GAB2: variants seen among roughly 807,000 people sequenced by gnomAD.
The protein encoded by GAB2 is GRB2 associated binding protein 2.
GAB2 carries 26 observed loss-of-function variants against 65.5 expected under a neutral mutation model. That is an observed-to-expected ratio of 0.40 (90% CI 0.29 to 0.55). GAB2 has a LOEUF of 0.55. Ranked by LOEUF, GAB2 falls within the 20% of genes least tolerant of loss-of-function variation. The pLI, the probability that GAB2 is intolerant of heterozygous loss-of-function variation, is 0.53. For synonymous variants in GAB2, 321 were observed against 329.6 expected (o/e 0.97, Z 0.28); for missense variants, 884 against 875.8 (o/e 1.01, Z -0.12).
intron 3 of GAB2, among the ~76,000 whole-genome samples, chr11:78,238,101 G>C (rs1865029768): frequency 1.3e-5 from 2 of 151,296 alleles, no homozygotes; most frequent in South Asian, 4.2e-4. Context: ...TAGGTGATGG[G>C]TTGATCTGTG....
At chr11:78,312,266 TC>T (rs1168763733) in intron 1 of GAB2, among the ~76,000 whole-genome samples, 2 of 151,674 alleles carry the variant, frequency 1.3e-5, no homozygotes, top group African/African-American at 4.8e-5. Context: ...TTCTGGGGTT[TC>T]TCCAAGCTGT....
intron 1 of GAB2, among the ~76,000 whole-genome samples, chr11:78,403,400 T>C (rs140414080): frequency 2.7e-4 from 41 of 152,316 alleles, no homozygotes; most frequent in African/African-American, 9.9e-4. Flanking sequence ...TTTTTGCAAA[T>C]GGACTATAGT....
At chr11:78,292,763 A>G (rs1245252306) in intron 1 of GAB2, among the ~76,000 whole-genome samples, 1 of 152,214 alleles carries the variant, frequency 6.6e-6, no homozygotes, top group Non-Finnish European at 1.5e-5. Flanking sequence ...ACTCTGGACC[A>G]TAGAGACTTT....
intron 1 of GAB2, among the ~76,000 whole-genome samples, chr11:78,350,476 T>G (rs1057491285): frequency 2.2e-4 from 34 of 152,236 alleles, no homozygotes; most frequent in African/African-American, 4.8e-5. Flanking sequence ...CACTTCCTCT[T>G]TGAGGATTGC....
chr11:78,342,626 T>G (rs1856117768), intron 1 of GAB2, among the ~76,000 whole-genome samples: 1 of 152,138 alleles, frequency 6.6e-6, no homozygotes. Flanking sequence ...GCCAGGATGG[T>G]CTCCATCTCC....
chr11:78,223,743 CT>C, intron 5 of GAB2, 67 bp from the exon 6 acceptor site: 1 of 1,350,096 alleles, frequency 7.4e-7, no homozygotes, highest in Non-Finnish European at 1.0e-6. Context: ...GGGGGTAAGA[CT>C]TTGTAAATGA....
chr11:78,310,988 C>T (rs1019870284), intron 1 of GAB2, among the ~76,000 whole-genome samples: 1 of 152,134 alleles, frequency 6.6e-6, no homozygotes, highest in African/African-American at 2.4e-5. Context: ...GAAATTCTGC[C>T]ACTGAAGAAC....
chr11:78,270,955 G>A (rs555108600), intron 2 of GAB2, among the ~76,000 whole-genome samples: 1 of 152,246 alleles, frequency 6.6e-6, no homozygotes, highest in African/African-American at 2.4e-5. Context: ...TGAGACTCAA[G>A]TGCAGCTAGC....
At chr11:78,358,508 C>A (rs1281128371) in intron 1 of GAB2, among the ~76,000 whole-genome samples, 15 of 145,600 alleles carry the variant, frequency 1.0e-4, no homozygotes, top group Admixed American at 1.4e-4. Context: ...GAAGTAATGT[C>A]TTTCCTAAAA....
chr11:78,261,733 C>A (rs1046977246), intron 2 of GAB2, among the ~76,000 whole-genome samples: 2 of 152,162 alleles, frequency 1.3e-5, no homozygotes, highest in African/African-American at 4.8e-5. Context: ...TGCAGGCCAG[C>A]CCCAAAGGGT....
intron 1 of GAB2, among the ~76,000 whole-genome samples, chr11:78,290,848 A>G (rs1866645910): frequency 6.6e-6 from 1 of 152,198 alleles, no homozygotes; most frequent in African/African-American, 2.4e-5. Flanking sequence ...GAGTGGTCCA[A>G]AGCAGGTCTC....
At chr11:78,336,350 A>AAAC (rs1856001072) in intron 1 of GAB2, among the ~76,000 whole-genome samples, 1 of 147,732 alleles carries the variant, frequency 6.8e-6, no homozygotes, top group African/African-American at 2.5e-5. Flanking sequence ...AAAAAAAAAA[A>AAAC]AAAAAAAAAA....
chr11:78,361,658 C>T (rs1055852452), intron 1 of GAB2, among the ~76,000 whole-genome samples: 2 of 152,142 alleles, frequency 1.3e-5, no homozygotes, highest in South Asian at 4.1e-4. Flanking sequence ...AAAAGGAATA[C>T]AAATTAAAAA....
intron 1 of GAB2, among the ~76,000 whole-genome samples, chr11:78,405,320 G>A (rs1857029543): frequency 1.3e-5 from 2 of 152,044 alleles, no homozygotes; most frequent in South Asian, 4.1e-4. Context: ...GGATGGTCTC[G>A]ATCTCCTGAC....
chr11:78,414,252 AT>A (rs569101406), intron 1 of GAB2, among the ~76,000 whole-genome samples: 8 of 151,590 alleles, frequency 5.3e-5, no homozygotes, highest in South Asian at 2.1e-4. Context: ...GACTGGATTA[AT>A]TTTTTTTTCT....
intron 3 of GAB2, among the ~76,000 whole-genome samples, chr11:78,232,355 T>C (rs1864870967): frequency 6.6e-6 from 1 of 152,200 alleles, no homozygotes; most frequent in South Asian, 2.1e-4. Context: ...CAATGTATCA[T>C]CTGTTACAGG....
intron 1 of GAB2, among the ~76,000 whole-genome samples, chr11:78,384,676 C>A (rs1461867246): frequency 6.6e-6 from 1 of 152,094 alleles, no homozygotes; most frequent in Non-Finnish European, 1.5e-5. Flanking sequence ...AACAGTGGCC[C>A]CAGGCTTCAA....
At chr11:78,387,358 C>T (rs73502934) in intron 1 of GAB2, among the ~76,000 whole-genome samples, 4,745 of 152,200 alleles carry the variant, frequency 0.031, 218 homozygotes, top group African/African-American at 0.1. Flanking sequence ...TTCTGAAATA[C>T]GCATTTCTAA....
In GAB2 at chr11:78,398,041, C is replaced by CACACACACACACACACACACACACACAT. The variant is rs57095813; in HGVS notation, c.75+19604_75+19605insATGTGTGTGTGTGTGTGTGTGTGTGTGT. Reference sequence around the variant, plus strand: ...ATAGCTACACACACACACACACACACATCCCTGGCCTATACTCAATGTTTT... The same window carrying CACACACACACACACACACACACACACAT: ...ATAGCTACACACACACACACACACACACACACACACACACACACACACACACATATCCCTGGCCTATACTCAATGTTTT... On this transcript the variant is annotated intron_variant, in intron 1 of 9. Coordinates refer to ENST00000361507, the MANE Select transcript of GAB2 (RefSeq NM_080491.3). Among the ~76,000 whole-genome samples the CACACACACACACACACACACACACACAT allele has an allele frequency of 5.3e-3, 807 of 151,480 alleles. 8 individuals are homozygous for CACACACACACACACACACACACACACAT. Among genetic ancestry groups the CACACACACACACACACACACACACACAT allele is most frequent in the African/African-American group, 0.019 (767 of 41,022 alleles).
Sources: allele counts gnomAD v4.1 joint callset (sites outside exome capture counted in the v4.1 genomes callset), GRCh38; gene constraint gnomAD v4.1.1; transcripts MANE v1.5; gene names NCBI Gene and HGNC (gene_info 2026-07-23, HGNC 2026-07-21).